CCDC88C: variants seen among roughly 807,000 people sequenced by gnomAD.
CCDC88C encodes the protein coiled-coil and HOOK domain protein 88C.
A neutral mutation model predicts 198.8 loss-of-function variants in CCDC88C; 131 were observed. The ratio of observed to expected loss-of-function variants is 0.66; its 90% confidence interval spans 0.57 to 0.76. CCDC88C has a LOEUF of 0.76. Ranked by LOEUF, CCDC88C falls within the 30% of genes least tolerant of loss-of-function variation. The probability of loss-of-function intolerance (pLI) is 0.00; values close to 1 mark genes in which losing one functional copy is unlikely to be tolerated. For synonymous variants in CCDC88C, 1,166 were observed against 1,114.7 expected, an observed-to-expected ratio of 1.05 and a Z score of -0.92; for missense variants, 2,553 against 2,631.6, an observed-to-expected ratio of 0.97 and a Z score of 0.65.
chr14:91,305,717 A>G (rs762992538), intron 19 of CCDC88C, 48 bp downstream of exon 19: 1 of 1,561,442 alleles, frequency 6.4e-7, no homozygotes, highest in South Asian at 1.2e-5. Context: ...AGCCACAGAT[A>G]AACATCCCGC....
chr14:91,303,386 C>G (rs11626144), intron 20 of CCDC88C, among the ~76,000 whole-genome samples: 71,225 of 145,690 alleles, frequency 0.49, 18,173 homozygotes, highest in Non-Finnish European at 0.57. Context: ...CTCCACCCAT[C>G]TCCCCCAGTC....
At chr14:91,354,081 G>A (rs116869612) in intron 4 of CCDC88C, among the ~76,000 whole-genome samples, 111 of 152,254 alleles carry the variant, frequency 7.3e-4, no homozygotes, top group Non-Finnish European at 1.4e-3. Context: ...GAGCTCCTCC[G>A]CTCTCTGGGC....
chr14:91,279,782 C>T (rs143731847), intron 27 of CCDC88C: 2,423 of 152,604 alleles, frequency 0.016, 37 homozygotes, highest in Middle Eastern at 0.024. Context: ...TGTAAGGGCA[C>T]GCACCTGAAG....
Position 91,273,706 on chromosome 14 carries a change from T to C in CCDC88C, c.5059-53A>G. ...GTGGGCATGAGGGTTGGGTGGGTCC[T>C]TGGAGCCGCCTCCTGCGCGGGACGC... is the stretch of plus-strand genomic sequence containing the variant. On this transcript the variant is annotated intron_variant, in intron 29 of 29. Transcript: ENST00000389857. The surrounding 1 kb of genome is among the most constrained non-coding windows in gnomAD (Gnocchi z 5.6). 7.2e-7 allele frequency: 1 copy of C among 1,382,578 alleles called. No individual in the cohort carries two copies. The highest frequency in any genetic ancestry group is 1.5e-5 in the African/African-American group (1 of 67,558). 85.6% of individuals were successfully genotyped at this position (1,382,578 alleles called of 1,614,324 possible). A position where few individuals can be genotyped will look rare whatever the true frequency, so the allele number is the denominator to read the frequency against.
intron 16 of CCDC88C, among the ~76,000 whole-genome samples, chr14:91,309,196 G>GC (rs1263509403): frequency 1.3e-5 from 2 of 152,160 alleles, no homozygotes; most frequent in Admixed American, 1.3e-4. Context: ...TCACACCACT[G>GC]CACTCCTGCC....
chr14:91,328,837 C>A (rs1405488672), intron 10 of CCDC88C, among the ~76,000 whole-genome samples: 1 of 152,220 alleles, frequency 6.6e-6, no homozygotes, highest in Admixed American at 6.5e-5. Flanking sequence ...CCAGCACTCC[C>A]CACGGAGCAC....
intron 3 of CCDC88C, among the ~76,000 whole-genome samples, chr14:91,366,859 G>A (rs753324901): frequency 6.6e-6 from 1 of 152,186 alleles, no homozygotes; most frequent in African/African-American, 2.4e-5. Flanking sequence ...GCAAAGTAAG[G>A]GCCTCCTGAA....
In CCDC88C at chr14:91,303,786, C is replaced by A. The variant is rs771732363; in HGVS notation, c.3550G>T (p.Glu1184Ter). 6.2e-7 allele frequency: 1 copy of A among 1,613,438 alleles called. No individual in the cohort carries two copies. Residue 1184 changes from glutamate to a stop codon, truncating the protein, a stop_gained, in exon 20 of 30, where the codon GAG (glutamate) becomes TAG (stop). Coordinates refer to ENST00000389857, the MANE Select transcript of CCDC88C (RefSeq NM_001080414.4). LOFTEE classifies it high-confidence loss of function. ...LGTLHERQSA[E>*]YEALIRQHSC... ...TGCTGGCGGATGAGGGCCTCGTACT[C>A]GGCCGATTGCCGCTCGTGCAGCGTG...
chr14:91,386,289 C>CAA (rs1239070390), intron 3 of CCDC88C, among the ~76,000 whole-genome samples: 1,822 of 106,704 alleles, frequency 0.017, 39 homozygotes, highest in African/African-American at 0.039. Context: ...ACTAAAAATA[C>CAA]AAAAAAAAAA....
intron 3 of CCDC88C, among the ~76,000 whole-genome samples, chr14:91,399,064 C>CCTCA (rs1295714046): frequency 1.3e-5 from 2 of 152,196 alleles, no homozygotes; most frequent in African/African-American, 4.8e-5. Context: ...TTGGGGGACT[C>CCTCA]CTCACTGTCA....
At position 91,393,201 on chromosome 14, in the gene CCDC88C, C is replaced by T. The variant is rs150447393; in HGVS notation, c.270+15458G>A. Among the ~76,000 whole-genome samples the T allele has an allele frequency of 1.2e-4, 19 of 152,230 alleles. No homozygotes were observed. In the Middle Eastern group the frequency reaches 0.01, roughly 82 times the overall value. The stretch of plus-strand genomic sequence containing the variant: ...AGGAACAGGCTAGGAGGGGTTGGGC[C>T]GCTTGCCCCAGGTCACACCAGTGTC... On this transcript the variant is annotated intron_variant, in intron 3 of 29. Transcript: ENST00000389857.
intron 15 of CCDC88C, among the ~76,000 whole-genome samples, chr14:91,310,608 G>C (rs1891776436): frequency 6.6e-6 from 1 of 152,118 alleles, no homozygotes; most frequent in Non-Finnish European, 1.5e-5. Flanking sequence ...ATGGGGTCTT[G>C]CTATATTTCC....
At chr14:91,364,267 C>T (rs1894432233) in intron 3 of CCDC88C, among the ~76,000 whole-genome samples, 3 of 152,188 alleles carry the variant, frequency 2.0e-5, no homozygotes, top group Admixed American at 2.0e-4. Context: ...AGGGGTGTGG[C>T]ATTGCAATCC....
intron 3 of CCDC88C, among the ~76,000 whole-genome samples, chr14:91,361,546 G>A (rs765381376): frequency 2.0e-5 from 3 of 152,118 alleles, no homozygotes; most frequent in Non-Finnish European, 4.4e-5. Flanking sequence ...ATGTTAAACC[G>A]TGAGGTGTAC....
At chr14:91,369,285 C>T (rs1304479801) in intron 3 of CCDC88C, among the ~76,000 whole-genome samples, 1 of 152,206 alleles carries the variant, frequency 6.6e-6, no homozygotes, top group Non-Finnish European at 1.5e-5. Flanking sequence ...CGGCTCACTG[C>T]AACCTCCACA....
intron 10 of CCDC88C, among the ~76,000 whole-genome samples, chr14:91,328,740 A>T (rs1824970113): frequency 6.6e-6 from 1 of 152,172 alleles, no homozygotes; most frequent in Non-Finnish European, 1.5e-5. Context: ...AGCTCGGATG[A>T]TGCGTGTGAA....
intron 3 of CCDC88C, among the ~76,000 whole-genome samples, chr14:91,385,403 A>G (rs1233217940): frequency 6.9e-6 from 1 of 145,808 alleles, no homozygotes; most frequent in Non-Finnish European, 1.5e-5. Flanking sequence ...ACCCTGACGC[A>G]TATTACGAAG....
rs985589762 is a variant in CCDC88C at position 91,325,400 on chromosome 14, G to A, written c.1198-477C>T. On this transcript the variant is annotated intron_variant, in intron 11 of 29. Coordinates refer to ENST00000389857, the MANE Select transcript of CCDC88C (RefSeq NM_001080414.4). This position sits in a 1 kb window ranked among gnomAD's most constrained non-coding sequence, Gnocchi z 4.1. ...ACAGAAGTCAAGTGCTCTGTTTGTG[G>A]GTGTTAAGTGGCACCCGCTCAAGCC... is the stretch of plus-strand genomic sequence containing the variant. 1.3e-5 allele frequency among the ~76,000 whole-genome samples: 2 copies of A among 152,074 alleles called. No homozygotes were observed. The highest frequency in any genetic ancestry group is 4.8e-5 in the African/African-American group (2 of 41,390).
chr14:91,325,880 T>G lies in CCDC88C; in HGVS notation c.1197+30A>C. 1.3e-6 allele frequency: 2 copies of G among 1,543,554 alleles called. No individual in the cohort carries two copies. Among genetic ancestry groups the G allele is most frequent in the Non-Finnish European group, 8.8e-7 (1 of 1,141,034 alleles). On this transcript the variant is annotated intron_variant, in intron 11 of 29. Coordinates refer to ENST00000389857, the MANE Select transcript of CCDC88C (RefSeq NM_001080414.4). This position sits in a 1 kb window ranked among gnomAD's most constrained non-coding sequence, Gnocchi z 4.1. ...CACTGTGCCCGAGCCCAATCTGTTT[T>G]CAATGTAGTAACAACACAGCCTGCA...
Sources: allele counts gnomAD v4.1 joint callset (sites outside exome capture counted in the v4.1 genomes callset), GRCh38; gene constraint gnomAD v4.1.1; non-coding constraint Gnocchi (gnomAD v3.1); transcripts MANE v1.5; gene names NCBI Gene and HGNC (gene_info 2026-07-23, HGNC 2026-07-21).